The following SETD4 variants were observed in gnomAD, a reference collection of about 807,000 sequenced individuals.
The protein encoded by SETD4 is SET domain containing 4.
Under a neutral mutation model 58.3 loss-of-function variants are expected in SETD4, and 46 were observed. The observed-to-expected ratio is 0.79, with a 90% CI of 0.62 to 1.01. The LOEUF (loss-of-function observed/expected upper bound fraction) is 1.01, where lower values mean the gene tolerates loss of function less well. Among genes scored for constraint, SETD4 ranks in the 50% least tolerant of loss-of-function variants. The pLI, the probability that SETD4 is intolerant of heterozygous loss-of-function variation, is 0.00. For missense variants in SETD4, 490 were observed against 523.3 expected (o/e 0.94, Z 0.62); for synonymous variants, 190 against 202.6 (o/e 0.94, Z 0.53).
chr21:36,060,034 T>C, intron 1 of SETD4: 3 of 985,512 alleles, frequency 3.0e-6, no homozygotes, highest in Non-Finnish European at 3.6e-6. Flanking sequence ...CCTCAAACTC[T>C]AGCCGTGAGG....
intron 3 of SETD4, among the ~76,000 whole-genome samples, chr21:36,055,699 C>T (rs991649423): frequency 6.6e-6 from 1 of 152,210 alleles, no homozygotes; most frequent in Non-Finnish European, 1.5e-5. Context: ...GCACTGGGCA[C>T]GGGTCACTGC....
At chr21:36,040,882 C>G (rs968963685) in intron 8 of SETD4, among the ~76,000 whole-genome samples, 2 of 151,972 alleles carry the variant, frequency 1.3e-5, no homozygotes, top group Non-Finnish European at 2.9e-5. Flanking sequence ...AACAGCTGGC[C>G]GGGCGCAGTG....
chr21:36,041,134 T>G (rs2123549375), intron 8 of SETD4, among the ~76,000 whole-genome samples: 1 of 114,510 alleles, frequency 8.7e-6, no homozygotes, highest in East Asian at 3.0e-4. Flanking sequence ...CACTCCAGCC[T>G]GGGCGACAGA....
rs758582379 is a variant in SETD4 at position 36,043,809 on chromosome 21, G to A, written c.874C>T (p.Pro292Ser). 5.6e-6 allele frequency: 9 copies of A among 1,614,098 alleles called. No homozygotes were observed. In the East Asian group the frequency reaches 1.6e-4, roughly 28 times the overall value. ...LEYGFVSVHNPHACVYVSREI... is the reference protein window; with the variant it reads ...LEYGFVSVHNSHACVYVSREI... ...CTTGAGACATAAACACAAGCATGAGGATTATGGACAGAAACAAATCCGTAT... is the reference window on the plus strand; with the variant it reads ...CTTGAGACATAAACACAAGCATGAGAATTATGGACAGAAACAAATCCGTAT... The change falls in exon 7 of 12, where the codon CCT becomes TCT. Residue 292 changes from proline (P) to serine (S), a missense_variant. Coordinates refer to ENST00000332131, the MANE Select transcript of SETD4 (RefSeq NM_017438.5).
chr21:36,052,010 T>C (rs572640139), intron 4 of SETD4, among the ~76,000 whole-genome samples: 6 of 152,282 alleles, frequency 3.9e-5, no homozygotes, highest in African/African-American at 9.6e-5. Flanking sequence ...AAAAAAGTTT[T>C]ATGTTACATA....
intron 4 of SETD4, chr21:36,051,011 G>T (rs2064652694): frequency 6.4e-7 from 1 of 1,566,482 alleles, no homozygotes; most frequent in Non-Finnish European, 8.8e-7. Flanking sequence ...GCGTTGACCT[G>T]TTGATGAAAG....
intron 10 of SETD4, 109 bp from the exon 11 acceptor site, chr21:36,036,360 A>G (rs1287650567): frequency 9.0e-7 from 1 of 1,115,932 alleles, no homozygotes; most frequent in African/African-American, 1.6e-5. Flanking sequence ...AGCAGCATGA[A>G]GTACATTCAC....
At chr21:36,037,187 CA>C (rs889742273) in intron 10 of SETD4, among the ~76,000 whole-genome samples, 2 of 151,658 alleles carry the variant, frequency 1.3e-5, no homozygotes, top group Admixed American at 6.6e-5. Context: ...GTTCTCACCA[CA>C]AAAAAAATAA....
intron 10 of SETD4, among the ~76,000 whole-genome samples, chr21:36,037,729 T>C (rs922259333): frequency 3.6e-4 from 55 of 151,512 alleles, no homozygotes; most frequent in African/African-American, 1.3e-3. Flanking sequence ...CCAGGCGCAG[T>C]GGACACTTGT....
In SETD4 at chr21:36,045,756, A is replaced by T; in HGVS notation, c.552T>A (p.Phe184Leu). Residue 184 changes from phenylalanine (F) to leucine (L), a missense_variant, in exon 6 of 12, where the codon TTT (phenylalanine) becomes TTA (leucine). Transcript: ENST00000332131. The stretch of plus-strand genomic sequence containing the variant: ...TGAAGATGCTGTCAACAGCCTCCGC[A>T]AACAGAGGCTGCAGAGAAGAGAAAA... Reference protein sequence around the residue: ...RDFFSSLQPLFAEAVDSIFSY... With the variant: ...RDFFSSLQPLLAEAVDSIFSY... 1 of 1,614,192 alleles carries T rather than the reference A, an allele frequency of 6.2e-7. No homozygotes were observed. The highest frequency in any genetic ancestry group is 8.5e-7 in the Non-Finnish European group (1 of 1,180,026).
At chr21:36,044,072 A>T (rs1472020807) in intron 6 of SETD4, 116 bp from the exon 7 acceptor site, 2 of 1,225,406 alleles carry the variant, frequency 1.6e-6, no homozygotes, top group East Asian at 5.1e-5. Context: ...ACCCATCAAT[A>T]AATGTAACTA....
At chr21:36,048,222 G>C in intron 5 of SETD4, 86 bp downstream of exon 5, 1 of 1,062,906 alleles carries the variant, frequency 9.4e-7, no homozygotes, top group Non-Finnish European at 1.5e-6. Flanking sequence ...GGGTTCTAAT[G>C]AATTGTGTCT....
intron 10 of SETD4, among the ~76,000 whole-genome samples, chr21:36,037,812 A>G (rs976647332): frequency 6.6e-6 from 1 of 151,768 alleles, no homozygotes; most frequent in Non-Finnish European, 1.5e-5. Context: ...CCTGGCCAAC[A>G]TGGTGAAACC....
intron 3 of SETD4, among the ~76,000 whole-genome samples, chr21:36,054,565 C>T (rs1476648178): frequency 1.3e-5 from 2 of 152,180 alleles, no homozygotes; most frequent in African/African-American, 4.8e-5. Flanking sequence ...CAGTTTCCCG[C>T]AACTTGGATT....
intron 7 of SETD4, chr21:36,042,188 T>C (rs903331224): frequency 1.6e-5 from 3 of 184,824 alleles, no homozygotes; most frequent in African/African-American, 2.4e-5. Context: ...GCATGACTGT[T>C]GAAAATTTAC....
At chr21:36,040,145 C>T (rs561191300) in intron 9 of SETD4, among the ~76,000 whole-genome samples, 39 of 152,322 alleles carry the variant, frequency 2.6e-4, no homozygotes, top group Admixed American at 5.9e-4. Context: ...GACCTGCCTC[C>T]CCCATGGAAA....
chr21:36,054,394 T>C (rs1404682964), intron 3 of SETD4, among the ~76,000 whole-genome samples: 3 of 152,224 alleles, frequency 2.0e-5, no homozygotes, highest in African/African-American at 7.2e-5. Flanking sequence ...CTGGCAGGCA[T>C]AGGTATTACA....
At chr21:36,045,394 C>T (rs1195602008) in intron 6 of SETD4, among the ~76,000 whole-genome samples, 188 bp downstream of exon 6, 1 of 152,182 alleles carries the variant, frequency 6.6e-6, no homozygotes, top group East Asian at 1.9e-4. Context: ...CCAAGGCAAG[C>T]ACTGCGGGAG....
In SETD4 at chr21:36,051,041, C is replaced by T. The variant is rs139667162; in HGVS notation, c.207+2542G>A. 202 of 1,484,212 alleles carry T rather than the reference C, an allele frequency of 1.4e-4. 1 individual carries two copies. Among genetic ancestry groups the T allele is most frequent in the Middle Eastern group, 8.6e-4 (5 of 5,812 alleles). The allele number at this position is 1,484,212 out of a possible 1,614,324, so 91.9% of individuals were successfully genotyped here. A position where few individuals can be genotyped will look rare whatever the true frequency, so the allele number is the denominator to read the frequency against. ...TGAAAGATGGCAGCTCCTTCTGTGT[C>T]TGTGAGGCCAATGCAAATGTAGGTT... On this transcript the variant is annotated intron_variant, in intron 4 of 11. Coordinates refer to ENST00000332131, the MANE Select transcript of SETD4 (RefSeq NM_017438.5).
Sources: gnomAD v4.1 joint callset for allele counts (sites outside exome capture counted in the v4.1 genomes callset) on GRCh38, gnomAD v4.1.1 for gene constraint, MANE v1.5 for transcripts, NCBI Gene and HGNC (gene_info 2026-07-23, HGNC 2026-07-21) for gene names.